Variants in RAB3C observed in about 807,000 individuals in gnomAD.
RAB3C encodes ras-related protein Rab-3C.
Under a neutral mutation model 26.4 loss-of-function variants are expected in RAB3C, and 17 were observed. The observed-to-expected ratio is 0.64, with a 90% CI of 0.44 to 0.97. RAB3C has a LOEUF of 0.97. Ranked by LOEUF, RAB3C falls within the 50% of genes least tolerant of loss-of-function variation. RAB3C has a pLI of 0.00. For missense variants in RAB3C, 242 were observed against 281.9 expected (o/e 0.86, Z 1.01); for synonymous variants, 91 against 95.9 (o/e 0.95, Z 0.30).
chr5:58,726,790 C>A (rs10514876), intron 3 of RAB3C, among the ~76,000 whole-genome samples: 1 of 151,966 alleles, frequency 6.6e-6, no homozygotes, highest in African/African-American at 2.4e-5. Context: ...ACTTCTGACC[C>A]TGATGAGTGT....
intron 3 of RAB3C, among the ~76,000 whole-genome samples, chr5:58,738,458 C>T (rs1413849213): frequency 2.6e-5 from 4 of 152,070 alleles, no homozygotes; most frequent in Non-Finnish European, 5.9e-5. Context: ...GCAAATAGTT[C>T]GAAACACATG....
chr5:58,699,104 G>T (rs1011487310), intron 2 of RAB3C, among the ~76,000 whole-genome samples: 3 of 152,248 alleles, frequency 2.0e-5, no homozygotes, highest in Non-Finnish European at 2.9e-5. Context: ...CCTACACATG[G>T]GGTTTTGGTG....
At position 58,853,307 on chromosome 5, in the gene RAB3C, G is replaced by A. The variant is rs961025956; in HGVS notation, c.*1956G>A. The A allele has an allele frequency of 6.6e-6, 1 of 152,128 alleles. No homozygotes were observed. The highest frequency in any genetic ancestry group is 1.5e-5 in the Non-Finnish European group (1 of 68,028). 9.4% of individuals were successfully genotyped at this position (152,128 alleles called of 1,614,324 possible). A position where few individuals can be genotyped will look rare whatever the true frequency, so the allele number is the denominator to read the frequency against. On this transcript the variant is annotated 3_prime_UTR_variant, in exon 5 of 5. Transcript: ENST00000282878. ...ATTTCTGTAACTTGGGCCAGAATGTGGCCATGTTAAATGATATAGCTATTA... is the reference window on the plus strand; with the variant it reads ...ATTTCTGTAACTTGGGCCAGAATGTAGCCATGTTAAATGATATAGCTATTA...
At chr5:58,705,572 A>G (rs1368555023) in intron 2 of RAB3C, among the ~76,000 whole-genome samples, 1 of 152,186 alleles carries the variant, frequency 6.6e-6, no homozygotes, top group African/African-American at 2.4e-5. Context: ...TTCAGTAAAT[A>G]TTAATAAGGT....
In RAB3C at chr5:58,789,982, T is replaced by A. The variant is rs566130932; in HGVS notation, c.372-35056T>A. On this transcript the variant is annotated intron_variant, in intron 3 of 4. Coordinates refer to ENST00000282878, the MANE Select transcript of RAB3C (RefSeq NM_138453.4). Reference sequence around the variant, plus strand: ...CTTCTGATTAAATTGGTCTGAGATGTGGCTTGGACATTATGGGTTTTAAAA... The same window carrying A: ...CTTCTGATTAAATTGGTCTGAGATGAGGCTTGGACATTATGGGTTTTAAAA... Among the ~76,000 whole-genome samples the A allele has an allele frequency of 4.6e-5, 7 of 152,336 alleles. 1 individual carries two copies. Among genetic ancestry groups the A allele is most frequent in the African/African-American group, 1.7e-4 (7 of 41,576 alleles).
At chr5:58,811,703 C>T (rs369814708) in intron 3 of RAB3C, among the ~76,000 whole-genome samples, 3 of 152,128 alleles carry the variant, frequency 2.0e-5, no homozygotes, top group Non-Finnish European at 4.4e-5. Context: ...TGTCCCACCC[C>T]CTTTCTCTCA....
intron 1 of RAB3C, among the ~76,000 whole-genome samples, chr5:58,596,928 T>TATTATATTTTA (rs1746294258): frequency 1.0e-5 from 1 of 95,394 alleles, no homozygotes; most frequent in African/African-American, 4.4e-5. Flanking sequence ...CATAATATAT[T>TATTATATTTTA]ATATATAAAT....
chr5:58,756,359 A>G (rs1479455306), intron 3 of RAB3C, among the ~76,000 whole-genome samples: 1 of 140,470 alleles, frequency 7.1e-6, no homozygotes, highest in Non-Finnish European at 1.5e-5. Context: ...ATATATATAT[A>G]TAACATATAT....
intron 2 of RAB3C, among the ~76,000 whole-genome samples, chr5:58,713,522 C>A (rs1749106143): frequency 6.6e-6 from 1 of 152,168 alleles, no homozygotes; most frequent in African/African-American, 2.4e-5. Flanking sequence ...AGGGCAAGAA[C>A]TGCACATGGC....
chr5:58,772,414 G>A (rs145770137), intron 3 of RAB3C, among the ~76,000 whole-genome samples: 1 of 152,234 alleles, frequency 6.6e-6, no homozygotes, highest in Non-Finnish European at 1.5e-5. Context: ...TAGAAGGGCA[G>A]AAAATCAATA....
chr5:58,677,569 TC>T (rs142253072), intron 2 of RAB3C, among the ~76,000 whole-genome samples: 1,952 of 152,304 alleles, frequency 0.013, 13 homozygotes, highest in Middle Eastern at 0.051. Flanking sequence ...TATTATTCTC[TC>T]CAGAGCCTAG....
intron 2 of RAB3C, among the ~76,000 whole-genome samples, chr5:58,719,270 T>C (rs1391258962): frequency 1.3e-5 from 2 of 152,076 alleles, no homozygotes; most frequent in Non-Finnish European, 2.9e-5. Context: ...TAACAAGATA[T>C]ATCAAACCAA....
intron 2 of RAB3C, among the ~76,000 whole-genome samples, chr5:58,686,420 A>G (rs1748445565): frequency 6.6e-6 from 1 of 152,152 alleles, no homozygotes; most frequent in Non-Finnish European, 1.5e-5. Context: ...TAAGTCCCTG[A>G]ATAGACTTGC....
At chr5:58,635,731 C>T (rs981450295) in intron 2 of RAB3C, among the ~76,000 whole-genome samples, 1 of 152,074 alleles carries the variant, frequency 6.6e-6, no homozygotes, top group African/African-American at 2.4e-5. Context: ...TGTTTTCTTT[C>T]CTGACACAGG....
intron 1 of RAB3C, among the ~76,000 whole-genome samples, chr5:58,587,599 A>G (rs1401226661): frequency 2.0e-5 from 3 of 152,210 alleles, no homozygotes; most frequent in Non-Finnish European, 2.9e-5. Context: ...ATTGAAATGC[A>G]CAAATCTTAA....
chr5:58,767,663 T>A lies in RAB3C; in HGVS notation c.371+41543T>A, dbSNP rs558704273. 2.6e-4 allele frequency among the ~76,000 whole-genome samples: 40 copies of A among 152,342 alleles called. 1 individual carries two copies. The South Asian group carries it at 8.3e-3, about 32-fold the overall frequency. ...TGAGGAGAGATAAGCATTCTTCTGA[T>A]ATTGCTACTAGCATTCGTTAGGTAC... is the stretch of plus-strand genomic sequence containing the variant. On this transcript the variant is annotated intron_variant, in intron 3 of 4. Transcript: ENST00000282878.
At position 58,852,307 on chromosome 5, in the gene RAB3C, G is replaced by C. The variant is rs1298301104; in HGVS notation, c.*956G>C. 1 of 152,072 alleles carries C rather than the reference G, an allele frequency of 6.6e-6. No homozygotes were observed. Among genetic ancestry groups the C allele is most frequent in the African/African-American group, 2.4e-5 (1 of 41,404 alleles). 9.4% of individuals were successfully genotyped at this position (152,072 alleles called of 1,614,324 possible). ...GGAACCATCACCAACTCTTGGACTA[G>C]AGCTTATGTTGAAGCTTGTTAGGGC... On this transcript the variant is annotated 3_prime_UTR_variant, in exon 5 of 5. Transcript: ENST00000282878.
chr5:58,610,972 A>ATTTAGCTACCACTCG (rs1746686949), intron 1 of RAB3C, among the ~76,000 whole-genome samples: 1 of 151,512 alleles, frequency 6.6e-6, no homozygotes, highest in Admixed American at 6.6e-5. Context: ...TGTTCTCATC[A>ATTTAGCTACCACTCG]TTTAGCTACC....
At chr5:58,805,590 A>G (rs930718335) in intron 3 of RAB3C, among the ~76,000 whole-genome samples, 2 of 118,744 alleles carry the variant, frequency 1.7e-5, no homozygotes, top group Admixed American at 9.6e-5. Context: ...ACTCCATCTG[A>G]AAAAAAAAAA....
Sources: allele counts gnomAD v4.1 joint callset (sites outside exome capture counted in the v4.1 genomes callset), GRCh38; gene constraint gnomAD v4.1.1; transcripts MANE v1.5; gene names NCBI Gene and HGNC (gene_info 2026-07-23, HGNC 2026-07-21).